BPIFB1: variants seen among roughly 807,000 people sequenced by gnomAD.
The protein encoded by BPIFB1 is BPI fold containing family B member 1.
A neutral mutation model predicts 55.1 loss-of-function variants in BPIFB1; 34 were observed. That is an observed-to-expected ratio of 0.62 (90% CI 0.47 to 0.82). The LOEUF is 0.82. Among genes scored for constraint, BPIFB1 ranks in the 40% least tolerant of loss-of-function variants. The pLI is 0.00. For missense variants in BPIFB1, 532 were observed against 593.1 expected, an observed-to-expected ratio of 0.90 and a Z score of 1.07; for synonymous variants, 236 against 245.3, an observed-to-expected ratio of 0.96 and a Z score of 0.35.
chr20:33,291,738 A>G (rs1471972839), intron 5 of BPIFB1, among the ~76,000 whole-genome samples, 169 bp from the exon 6 acceptor site: 1 of 152,188 alleles, frequency 6.6e-6, no homozygotes, highest in Admixed American at 6.5e-5. Context: ...ACTCTTTGCC[A>G]CTGCCTACAC....
At chr20:33,298,764 A>G (rs56683988) in intron 7 of BPIFB1, 2,313 of 158,112 alleles carry the variant, frequency 0.015, 73 homozygotes, top group African/African-American at 0.054. Flanking sequence ...AGCAGGAATT[A>G]CTATTCTACC....
At chr20:33,287,229 C>T (rs867380127) in intron 2 of BPIFB1, among the ~76,000 whole-genome samples, 1 of 152,176 alleles carries the variant, frequency 6.6e-6, no homozygotes, top group South Asian at 2.1e-4. Context: ...GAGTTGTGTA[C>T]AAGTGGTTGG....
chr20:33,306,930 C>T lies in BPIFB1; in HGVS notation c.1338C>T (p.Val446=). The T allele has an allele frequency of 6.2e-7, 1 of 1,614,064 alleles. No individual in the cohort carries two copies. Among genetic ancestry groups the T allele is most frequent in the Non-Finnish European group, 8.5e-7 (1 of 1,179,890 alleles). The change falls in exon 15 of 16, where the codon GTC becomes GTT. Residue 446 remains valine, a synonymous_variant. Coordinates refer to ENST00000253354, the MANE Select transcript of BPIFB1 (RefSeq NM_033197.3). ...TTTCAGGCAAATTAAGATCTGGGGT[C>T]CCAGTGTCATTGGTGAAGGCCTTGG... The part of the protein sequence containing the change: ...PNQNGKLRSG[V]PVSLVKALGF...
At position 33,303,035 on chromosome 20, in the gene BPIFB1, C is replaced by T. The variant is rs761218961; in HGVS notation, c.1101C>T (p.Pro367=). The T allele has an allele frequency of 6.2e-7, 1 of 1,614,114 alleles. No homozygotes were observed. The highest frequency in any genetic ancestry group is 8.5e-7 in the Non-Finnish European group (1 of 1,180,026). The change falls in exon 11 of 16, where the codon CCC becomes CCT. Residue 367 remains proline, a synonymous_variant. Transcript: ENST00000253354. ...VAQLIVLEVF[P]SSEALRPLFT... ...AACTGATCGTGCTGGAAGTGTTTCC[C>T]TCCAGTGAAGCCCTCCGCCCTTTGT...
rs199994931 is a variant in BPIFB1, at chr20:33,299,889, C to T, written c.662-10C>T. 1.1e-4 allele frequency: 181 copies of T among 1,613,802 alleles called. No homozygotes were observed. In the African/African-American group the frequency reaches 2.2e-3, roughly 19 times the overall value. On this transcript the variant is annotated splice_polypyrimidine_tract_variant and intron_variant, in intron 7 of 15. Transcript: ENST00000253354. ...CACCCTCACAGAACTTTCTTCTTGT[C>T]CTTGAGCAGTGCCCATTTCCCTCAG...
chr20:33,308,563 CACAT>C (rs1261408115), intron 15 of BPIFB1, among the ~76,000 whole-genome samples: 2 of 135,278 alleles, frequency 1.5e-5, no homozygotes, highest in Admixed American at 1.5e-4. Flanking sequence ...TACACCTATA[CACAT>C]ACATACACAC....
chr20:33,308,535 T>TAC (rs1183117097), intron 15 of BPIFB1, among the ~76,000 whole-genome samples: 2 of 131,408 alleles, frequency 1.5e-5, no homozygotes, highest in African/African-American at 6.5e-5. Flanking sequence ...TACACATACA[T>TAC]ACACACACAC....
chr20:33,296,168 G>C (rs935095302), intron 6 of BPIFB1, among the ~76,000 whole-genome samples: 4 of 152,174 alleles, frequency 2.6e-5, no homozygotes, highest in Non-Finnish European at 5.9e-5. Flanking sequence ...GGACTCTACT[G>C]TGTAGCCAGG....
At chr20:33,299,800 C>A in intron 7 of BPIFB1, 99 bp from the exon 8 acceptor site, 1 of 823,316 alleles carries the variant, frequency 1.2e-6, no homozygotes, top group Non-Finnish European at 2.1e-6. Context: ...TACCTGCCCC[C>A]CCATGCAACA....
intron 12 of BPIFB1, among the ~76,000 whole-genome samples, chr20:33,304,229 C>A (rs954150036): frequency 2.6e-5 from 4 of 152,192 alleles, no homozygotes; most frequent in Admixed American, 2.0e-4. Flanking sequence ...GCAGCAGCCA[C>A]GGCACAGGCA....
chr20:33,289,626 G>A (rs895224410), intron 3 of BPIFB1, among the ~76,000 whole-genome samples: 1 of 152,204 alleles, frequency 6.6e-6, no homozygotes, highest in East Asian at 1.9e-4. Context: ...GGGATCAGCA[G>A]GGTCAGGTCA....
At chr20:33,287,956 T>G (rs1980325137) in intron 2 of BPIFB1, among the ~76,000 whole-genome samples, 1 of 152,102 alleles carries the variant, frequency 6.6e-6, no homozygotes, top group East Asian at 1.9e-4. Context: ...AAAAGAAATA[T>G]TCACTGGGCC....
rs368235572 is a variant in BPIFB1 at position 33,297,504 on chromosome 20, C to A, written c.598-21C>A. On this transcript the variant is annotated intron_variant, in intron 6 of 15. Transcript: ENST00000253354. ...CATTCTGGCCCCTCCCTGATGGAGC[C>A]CCTTGCTTATGCTGTTGCAGCTGTG... is the stretch of plus-strand genomic sequence containing the variant. The A allele has an allele frequency of 8.7e-6, 14 of 1,613,902 alleles. No homozygotes were observed. The African/African-American group carries it at 1.7e-4, about 20-fold the overall frequency.
In BPIFB1 at chr20:33,302,984, A is replaced by T; in HGVS notation, c.1050A>T (p.Ile350=). 6.2e-7 allele frequency: 1 copy of T among 1,614,144 alleles called. No individual in the cohort carries two copies. Among genetic ancestry groups the T allele is most frequent in the Non-Finnish European group, 8.5e-7 (1 of 1,180,008 alleles). Residue 350 remains isoleucine, a synonymous_variant, in exon 11 of 16, where the codon ATA becomes ATT. Coordinates refer to ENST00000253354, the MANE Select transcript of BPIFB1 (RefSeq NM_033197.3). ...ILTQDTPEFF[I]DQGHAKVAQL... ...CTCAGGACACTCCCGAGTTTTTTATAGACCAAGGCCATGCCAAGGTGGCCC... is the reference window on the plus strand; with the variant it reads ...CTCAGGACACTCCCGAGTTTTTTATTGACCAAGGCCATGCCAAGGTGGCCC...
At chr20:33,294,773 A>C (rs1257137533) in intron 6 of BPIFB1, among the ~76,000 whole-genome samples, 1 of 152,236 alleles carries the variant, frequency 6.6e-6, no homozygotes, top group Non-Finnish European at 1.5e-5. Flanking sequence ...AGTAGAAAGA[A>C]CAATGTGTGA....
chr20:33,291,143 G>A lies in BPIFB1; in HGVS notation c.515+37G>A, dbSNP rs760774201. 5.6e-6 allele frequency: 9 copies of A among 1,602,182 alleles called. No individual in the cohort carries two copies. The East Asian group carries it at 2.0e-4, about 36-fold the overall frequency. On this transcript the variant is annotated intron_variant, in intron 5 of 15. Transcript: ENST00000253354. ...TGGCCACCAGCCGGGCTCCCATCCTGCCTGGAAGGAACGCCAGGCAGTGGA... is the reference window on the plus strand; with the variant it reads ...TGGCCACCAGCCGGGCTCCCATCCTACCTGGAAGGAACGCCAGGCAGTGGA...
intron 2 of BPIFB1, among the ~76,000 whole-genome samples, chr20:33,287,195 C>T (rs901108210): frequency 1.3e-5 from 2 of 152,236 alleles, no homozygotes; most frequent in Non-Finnish European, 2.9e-5. Flanking sequence ...AGATGAACAA[C>T]CATGCTTTAG....
chr20:33,293,300 C>G (rs1169309501), intron 6 of BPIFB1, among the ~76,000 whole-genome samples: 3 of 152,086 alleles, frequency 2.0e-5, no homozygotes, highest in Non-Finnish European at 4.4e-5. Context: ...TACTTTCACC[C>G]AGGAGCGCTT....
chr20:33,298,762 TTAC>T (rs1277798041), intron 7 of BPIFB1: 1 of 159,782 alleles, frequency 6.3e-6, no homozygotes, highest in Non-Finnish European at 1.4e-5. Flanking sequence ...GAAGCAGGAA[TTAC>T]TATTCTACCG....
Sources: gnomAD v4.1 joint callset for allele counts (sites outside exome capture counted in the v4.1 genomes callset) on GRCh38, gnomAD v4.1.1 for gene constraint, MANE v1.5 for transcripts, NCBI Gene and HGNC (gene_info 2026-07-23, HGNC 2026-07-21) for gene names.